ISOC1: variants seen among roughly 807,000 people sequenced by gnomAD.
ISOC1 encodes the protein isochorismatase domain-containing protein 1.
ISOC1 carries 33 observed loss-of-function variants against 30.0 expected under a neutral mutation model. The ratio of observed to expected loss-of-function variants is 1.10; its 90% CI spans 0.83 to 1.47. The LOEUF (loss-of-function observed/expected upper bound fraction) is 1.47, where lower values mean the gene tolerates loss of function less well. Ranked by LOEUF, ISOC1 falls within the 40% of genes most tolerant of loss-of-function variation. ISOC1 has a pLI of 0.00. For synonymous variants in ISOC1, 178 were observed against 159.8 expected (o/e 1.11, Z -0.86); for missense variants, 372 against 388.0 (o/e 0.96, Z 0.35).
intron 2 of ISOC1, 41 bp downstream of exon 2, chr5:129,105,116 CATATACACTCAT>C: frequency 6.2e-7 from 1 of 1,613,002 alleles, no homozygotes; most frequent in Non-Finnish European, 8.5e-7. Flanking sequence ...GCTGAATCAT[CATATACACTCAT>C]ATATACACAT....
chr5:129,102,685 C>T (rs1753586888), intron 1 of ISOC1, among the ~76,000 whole-genome samples: 1 of 152,188 alleles, frequency 6.6e-6, no homozygotes, highest in African/African-American at 2.4e-5. Flanking sequence ...GCTTTTTACT[C>T]TTCCACTGGA....
At chr5:129,104,934 A>T in intron 1 of ISOC1, 22 bp from the exon 2 acceptor site, 1 of 1,609,550 alleles carries the variant, frequency 6.2e-7, no homozygotes, top group South Asian at 1.1e-5. Flanking sequence ...GTGCTAAATC[A>T]TTCTTTTTCT....
intron 1 of ISOC1, among the ~76,000 whole-genome samples, chr5:129,102,517 A>G (rs1405397175): frequency 6.6e-6 from 1 of 152,212 alleles, no homozygotes; most frequent in African/African-American, 2.4e-5. Context: ...AACTCTGGAT[A>G]TTAGGATTCC....
Position 129,100,483 on chromosome 5 carries a change from C to T in ISOC1, c.310-4473C>T, listed in dbSNP as rs1026478716. Among the ~76,000 whole-genome samples the T allele has an allele frequency of 6.6e-5, 10 of 151,890 alleles. No individual in the cohort carries two copies. The East Asian group carries it at 1.2e-3, about 18-fold the overall frequency. ...GACTATGTGTAGGCATATAGATATA[C>T]GAAGGTGTGTGGATACATATATTTA... On this transcript the variant is annotated intron_variant, in intron 1 of 4. Transcript: ENST00000173527.
rs776494785 is a variant in ISOC1 at position 129,113,023 on chromosome 5, C to G, written c.*22C>G. On this transcript the variant is annotated 3_prime_UTR_variant, in exon 5 of 5. Coordinates refer to ENST00000173527, the MANE Select transcript of ISOC1 (RefSeq NM_016048.2). ...ATAGGACATTTGAAGAACTGGTATG[C>G]TACTCACTGGTGAAGGACAGTCAGG... 1.9e-6 allele frequency: 3 copies of G among 1,600,320 alleles called. No individual in the cohort carries two copies. In the Admixed American group the frequency reaches 5.1e-5, roughly 27 times the overall value.
chr5:129,102,120 C>T (rs1753579485), intron 1 of ISOC1, among the ~76,000 whole-genome samples: 1 of 152,164 alleles, frequency 6.6e-6, no homozygotes, highest in Non-Finnish European at 1.5e-5. Flanking sequence ...ATACTCTCCT[C>T]ATAAGAAGCA....
intron 2 of ISOC1, 54 bp downstream of exon 2, chr5:129,105,129 A>G (rs1753619740): frequency 6.2e-7 from 1 of 1,612,536 alleles, no homozygotes; most frequent in African/African-American, 1.3e-5. Flanking sequence ...ATACACTCAT[A>G]TATACACATA....
intron 3 of ISOC1, among the ~76,000 whole-genome samples, chr5:129,105,595 A>G (rs1002675164): frequency 3.3e-5 from 5 of 152,178 alleles, no homozygotes; most frequent in African/African-American, 1.2e-4. Context: ...AGTAAGAGCT[A>G]AATACTCAGT....
In ISOC1 at chr5:129,113,465, G is replaced by A. The variant is rs1320985903; in HGVS notation, c.*464G>A. ...TGATTGGAATAAGATTATTGCATAT[G>A]AATTTACCCACAGGACTCTGAATCA... On this transcript the variant is annotated 3_prime_UTR_variant, in exon 5 of 5. Transcript: ENST00000173527. 3 of 153,250 alleles carry A rather than the reference G, an allele frequency of 2.0e-5. No homozygotes were observed. 9.5% of individuals were successfully genotyped at this position (153,250 alleles called of 1,614,324 possible).
At chr5:129,097,702 A>G (rs1311275347) in intron 1 of ISOC1, 2 of 151,514 alleles carry the variant, frequency 1.3e-5, no homozygotes, top group Non-Finnish European at 2.9e-5. Flanking sequence ...AAGTCTCCGC[A>G]TATGCCTGGC....
chr5:129,095,170 A>G, intron 1 of ISOC1, 95 bp downstream of exon 1: 1 of 1,269,308 alleles, frequency 7.9e-7, no homozygotes. Context: ...AGGTGCCCCG[A>G]GCCGCCCGGG....
At chr5:129,106,915 A>G in intron 3 of ISOC1, 31 bp from the exon 4 acceptor site, 2 of 1,455,824 alleles carry the variant, frequency 1.4e-6, no homozygotes, top group Non-Finnish European at 1.9e-6. Flanking sequence ...TTATTATGTT[A>G]TTACATATGA....
intron 4 of ISOC1, among the ~76,000 whole-genome samples, chr5:129,110,800 A>G (rs1451245587): frequency 6.6e-6 from 1 of 152,136 alleles, no homozygotes; most frequent in Non-Finnish European, 1.5e-5. Flanking sequence ...TGTCTCACTA[A>G]GGAACTGGGG....
At position 129,095,185 on chromosome 5, in the gene ISOC1, G is replaced by A. The variant is rs963092795; in HGVS notation, c.309+110G>A. The A allele has an allele frequency of 4.2e-5, 47 of 1,125,550 alleles. No homozygotes were observed. The African/African-American group carries it at 6.7e-4, about 16-fold the overall frequency. 69.7% of individuals were successfully genotyped at this position (1,125,550 alleles called of 1,614,324 possible). ...AGGTGCCCCGAGCCGCCCGGGACCC[G>A]GGCCCTGCGCGAGTGGCTGAGTCCG... On this transcript the variant is annotated intron_variant, in intron 1 of 4. Coordinates refer to ENST00000173527, the MANE Select transcript of ISOC1 (RefSeq NM_016048.2).
At chr5:129,099,261 CA>C (rs1561421296) in intron 1 of ISOC1, among the ~76,000 whole-genome samples, 1 of 152,086 alleles carries the variant, frequency 6.6e-6, no homozygotes, top group Admixed American at 6.6e-5. Context: ...ATTCAAATGT[CA>C]TTGTGGTCCT....
rs1410240312 is a variant in ISOC1, at chr5:129,113,020, A to G, written c.*19A>G. ...AGTATAGGACATTTGAAGAACTGGT[A>G]TGCTACTCACTGGTGAAGGACAGTC... is the stretch of plus-strand genomic sequence containing the variant. On this transcript the variant is annotated 3_prime_UTR_variant, in exon 5 of 5. Coordinates refer to ENST00000173527, the MANE Select transcript of ISOC1 (RefSeq NM_016048.2). 1.9e-6 allele frequency: 3 copies of G among 1,604,124 alleles called. No individual in the cohort carries two copies. Among genetic ancestry groups the G allele is most frequent in the Admixed American group, 1.7e-5 (1 of 59,182 alleles).
At chr5:129,095,221 C>A (rs1436858697) in intron 1 of ISOC1, 146 bp downstream of exon 1, 1 of 771,854 alleles carries the variant, frequency 1.3e-6, no homozygotes, top group Non-Finnish European at 2.0e-6. Flanking sequence ...AAGGGCTGCG[C>A]GTCTTTCGCA....
intron 1 of ISOC1, among the ~76,000 whole-genome samples, chr5:129,102,678 T>C (rs1469755119): frequency 6.6e-6 from 1 of 152,228 alleles, no homozygotes; most frequent in Non-Finnish European, 1.5e-5. Flanking sequence ...TAGAACAGCT[T>C]TTTACTCTTC....
At chr5:129,101,161 C>CAAAAAAAAAAAAAAAA (rs1156603818) in intron 1 of ISOC1, among the ~76,000 whole-genome samples, 1 of 19,500 alleles carries the variant, frequency 5.1e-5, no homozygotes. Context: ...CTCAGCTAAT[C>CAAAAAAAAAAAAAAAA]AAAAAAAAAA....
Sources: allele counts gnomAD v4.1 joint callset (sites outside exome capture counted in the v4.1 genomes callset), GRCh38; gene constraint gnomAD v4.1.1; transcripts MANE v1.5; gene names NCBI Gene and HGNC (gene_info 2026-07-23, HGNC 2026-07-21).